Variants in GFRA1 observed in about 807,000 individuals in gnomAD.
GFRA1 encodes the protein GDNF family receptor alpha-1.
Under a neutral mutation model 51.6 loss-of-function variants are expected in GFRA1, and 16 were observed. The ratio of observed to expected loss-of-function variants is 0.31; its 90% CI spans 0.21 to 0.47. The LOEUF (loss-of-function observed/expected upper bound fraction) is 0.47. Ranked by LOEUF, GFRA1 falls within the 20% of genes least tolerant of loss-of-function variation. GFRA1 has a pLI of 1.00. For synonymous variants in GFRA1, 270 were observed against 241.3 expected (o/e 1.12, Z -1.10); for missense variants, 530 against 594.3 (o/e 0.89, Z 1.13).
intron 2 of GFRA1, 55 bp downstream of exon 2, chr10:116,271,935 G>A: frequency 2.8e-6 from 4 of 1,424,914 alleles, no homozygotes; most frequent in African/African-American, 2.8e-5. Context: ...GCTGCTGCAA[G>A]CGACCCTAGG....
At chr10:116,144,748 GAAGAA>G (rs1212517196) in intron 5 of GFRA1, among the ~76,000 whole-genome samples, 3 of 152,066 alleles carry the variant, frequency 2.0e-5, no homozygotes, top group East Asian at 3.9e-4. Flanking sequence ...AAAACTTTTA[GAAGAA>G]AACATAGGAG....
At chr10:116,101,967 C>T (rs891955541) in intron 6 of GFRA1, among the ~76,000 whole-genome samples, 1 of 152,176 alleles carries the variant, frequency 6.6e-6, no homozygotes, top group African/African-American at 2.4e-5. Flanking sequence ...GTTTTCATAG[C>T]ATTATTATTC....
At chr10:116,257,211 C>T (rs1489572470) in intron 4 of GFRA1, among the ~76,000 whole-genome samples, 4 of 152,200 alleles carry the variant, frequency 2.6e-5, no homozygotes, top group Non-Finnish European at 5.9e-5. Context: ...AGCCGAGGCC[C>T]TTCAGGATGA....
intron 5 of GFRA1, among the ~76,000 whole-genome samples, chr10:116,194,066 TA>T (rs1051845471): frequency 3.4e-3 from 91 of 26,992 alleles, no homozygotes; most frequent in African/African-American, 6.0e-3. Context: ...AAATAAAATT[TA>T]AAAAAAAAAA....
intron 4 of GFRA1, among the ~76,000 whole-genome samples, chr10:116,242,464 A>G (rs1967472358): frequency 6.6e-6 from 1 of 152,188 alleles, no homozygotes; most frequent in Non-Finnish European, 1.5e-5. Flanking sequence ...GATTTTGAGA[A>G]GAGAAGGTAT....
chr10:116,064,311 C>T lies in GFRA1; in HGVS notation c.*87G>A, dbSNP rs1954988412. ...ACTGTTTCTCAACTGAGCTCCTAAA[C>T]TGGAATTTCAGCTATACAAGAGAAC... is the stretch of plus-strand genomic sequence containing the variant. On this transcript the variant is annotated 3_prime_UTR_variant, in exon 11 of 11. Transcript: ENST00000355422. 1 of 1,204,510 alleles carries T rather than the reference C, an allele frequency of 8.3e-7. No individual in the cohort carries two copies. Among genetic ancestry groups the T allele is most frequent in the Non-Finnish European group, 1.2e-6 (1 of 826,298 alleles). The allele number at this position is 1,204,510 out of a possible 1,614,324, so 74.6% of individuals were successfully genotyped here.
intron 4 of GFRA1, among the ~76,000 whole-genome samples, chr10:116,234,773 G>A (rs1031650294): frequency 6.6e-6 from 1 of 152,146 alleles, no homozygotes; most frequent in Non-Finnish European, 1.5e-5. Context: ...GTTTGGCTGT[G>A]TCCCTACCCA....
rs1245731223 is a variant in GFRA1 at position 116,064,322 on chromosome 10, GC to G, written c.*75del. ...ACTGAGCTCCTAAACTGGAATTTCA[GC>G]TATACAAGAGAACAGGAAACAGATA... On this transcript the variant is annotated 3_prime_UTR_variant, in exon 11 of 11. Transcript: ENST00000355422. The G allele has an allele frequency of 7.7e-7, 1 of 1,299,450 alleles. No individual in the cohort carries two copies. The highest frequency in any genetic ancestry group is 1.1e-6 in the Non-Finnish European group (1 of 908,146). The allele number at this position is 1,299,450 out of a possible 1,614,324, so 80.5% of individuals were successfully genotyped here.
In GFRA1 at chr10:116,092,096, T is replaced by TACACACACACACACAC. The variant is rs58442181; in HGVS notation, c.1015+1590_1015+1605dup. 2.9e-3 allele frequency among the ~76,000 whole-genome samples: 394 copies of TACACACACACACACAC among 138,182 alleles called. 3 individuals are homozygous for TACACACACACACACAC. Among genetic ancestry groups the TACACACACACACACAC allele is most frequent in the South Asian group, 7.5e-3 (29 of 3,856 alleles). 90.7% of individuals were successfully genotyped at this position (138,182 alleles called of 152,430 possible). A position where few individuals can be genotyped will look rare whatever the true frequency, so the allele number is the denominator to read the frequency against. ...AAAAGAGGAAATATACATACATACG[T>TACACACACACACACAC]ACACACACACACACACACACACACA... On this transcript the variant is annotated intron_variant, in intron 8 of 10. Coordinates refer to ENST00000355422, the MANE Select transcript of GFRA1 (RefSeq NM_005264.8).
chr10:116,230,136 G>A (rs1420001749), intron 4 of GFRA1, among the ~76,000 whole-genome samples: 2 of 152,118 alleles, frequency 1.3e-5, no homozygotes, highest in Non-Finnish European at 2.9e-5. Flanking sequence ...TCAACCCAAA[G>A]GGCATCATCA....
rs939239814 is a variant in GFRA1, at chr10:116,061,380, G to A, written c.*3018C>T. 1 of 151,886 alleles carries A rather than the reference G, an allele frequency of 6.6e-6. No individual in the cohort carries two copies. The highest frequency in any genetic ancestry group is 2.4e-5 in the African/African-American group (1 of 41,410). The allele number at this position is 151,886 out of a possible 1,614,324, so 9.4% of individuals were successfully genotyped here. ...ACAGACTTGAAAAAAATCAGGTATG[G>A]AAAAATAAATATGTAATTGGCATTC... On this transcript the variant is annotated 3_prime_UTR_variant, in exon 11 of 11. Coordinates refer to ENST00000355422, the MANE Select transcript of GFRA1 (RefSeq NM_005264.8).
chr10:116,105,132 G>T (rs1168342518), intron 6 of GFRA1, among the ~76,000 whole-genome samples: 1 of 152,212 alleles, frequency 6.6e-6, no homozygotes, highest in Non-Finnish European at 1.5e-5. Flanking sequence ...AAGAAGAAAA[G>T]AAATGGAAAG....
At chr10:116,089,953 A>G (rs1184201001) in intron 8 of GFRA1, 31 bp from the exon 9 acceptor site, 4 of 1,582,460 alleles carry the variant, frequency 2.5e-6, no homozygotes, top group Non-Finnish European at 3.4e-6. Context: ...ATCCAATTTC[A>G]AAGTCAAGCA....
chr10:116,089,960 A>C, intron 8 of GFRA1, 38 bp from the exon 9 acceptor site: 2 of 1,563,034 alleles, frequency 1.3e-6, no homozygotes, highest in South Asian at 2.3e-5. Flanking sequence ...TTCAAAGTCA[A>C]GCAGCAAACG....
intron 6 of GFRA1, among the ~76,000 whole-genome samples, chr10:116,097,985 T>TG (rs1265213670): frequency 1.3e-5 from 2 of 152,206 alleles, no homozygotes; most frequent in Non-Finnish European, 2.9e-5. Flanking sequence ...AAAGACCTGA[T>TG]GGAATTATCC....
intron 4 of GFRA1, among the ~76,000 whole-genome samples, chr10:116,237,847 C>T (rs1302535752): frequency 6.6e-6 from 1 of 152,176 alleles, no homozygotes; most frequent in Non-Finnish European, 1.5e-5. Context: ...CAAAGCTCTG[C>T]ACAAAAAGGT....
At chr10:116,089,945 C>G (rs1446352921) in intron 8 of GFRA1, 23 bp from the exon 9 acceptor site, 1 of 1,597,568 alleles carries the variant, frequency 6.3e-7, no homozygotes, top group Non-Finnish European at 8.5e-7. Flanking sequence ...AGGAGGAAAT[C>G]CAATTTCAAA....
chr10:116,184,669 T>A (rs1188071804), intron 5 of GFRA1, among the ~76,000 whole-genome samples: 1 of 152,228 alleles, frequency 6.6e-6, no homozygotes, highest in African/African-American at 2.4e-5. Flanking sequence ...TTAACATGTC[T>A]CATCAGAGGG....
intron 4 of GFRA1, among the ~76,000 whole-genome samples, chr10:116,222,786 T>C (rs541935603): frequency 2.6e-5 from 4 of 152,302 alleles, no homozygotes; most frequent in African/African-American, 9.6e-5. Flanking sequence ...GAATAAAATA[T>C]ACAGTCAGAC....
Sources: gnomAD v4.1 joint callset for allele counts (sites outside exome capture counted in the v4.1 genomes callset) on GRCh38, gnomAD v4.1.1 for gene constraint, MANE v1.5 for transcripts, NCBI Gene and HGNC (gene_info 2026-07-23, HGNC 2026-07-21) for gene names.